TMOD2: variants seen among roughly 807,000 people sequenced by gnomAD.
TMOD2 encodes tropomodulin-2.
TMOD2 carries 22 observed loss-of-function variants against 39.9 expected under a neutral mutation model. That is an observed-to-expected ratio of 0.55 (90% confidence interval 0.39 to 0.79). The LOEUF (loss-of-function observed/expected upper bound fraction) is 0.79. Among genes scored for constraint, TMOD2 ranks in the 30% least tolerant of loss-of-function variants. The pLI is 0.00. For synonymous variants in TMOD2, 123 were observed against 146.1 expected, an observed-to-expected ratio of 0.84 and a Z score of 1.14; for missense variants, 386 against 413.3, an observed-to-expected ratio of 0.93 and a Z score of 0.57.
At chr15:51,783,269 G>A (rs895709444) in intron 7 of TMOD2, 59 of 161,434 alleles carry the variant, frequency 3.7e-4, no homozygotes, top group Non-Finnish European at 2.6e-4. Context: ...GGATCATGAG[G>A]TCGGGAGTTC....
chr15:51,769,305 C>T (rs2141618912), intron 3 of TMOD2, among the ~76,000 whole-genome samples: 1 of 152,290 alleles, frequency 6.6e-6, no homozygotes, highest in Middle Eastern at 3.4e-3. Flanking sequence ...CCCTCAAGGC[C>T]TTCTGCTCCA....
In TMOD2 at chr15:51,815,467, A is replaced by G. The variant is rs1207236393; in HGVS notation, c.*7013A>G. On this transcript the variant is annotated 3_prime_UTR_variant, in exon 10 of 10. Transcript: ENST00000249700. Reference sequence around the variant, plus strand: ...GAAGTCAATCAAAAGTATACTGTGCAATTGAGAGAGGCTGGCCCAAGATTT... The same window carrying G: ...GAAGTCAATCAAAAGTATACTGTGCGATTGAGAGAGGCTGGCCCAAGATTT... The G allele has an allele frequency of 1.3e-5, 2 of 152,142 alleles. No individual in the cohort carries two copies. The highest frequency in any genetic ancestry group is 4.8e-5 in the African/African-American group (2 of 41,440). 9.4% of individuals were successfully genotyped at this position (152,142 alleles called of 1,614,324 possible). A position where few individuals can be genotyped will look rare whatever the true frequency, so the allele number is the denominator to read the frequency against.
chr15:51,782,710 CTCTG>C lies in TMOD2; in HGVS notation c.625-7_625-4del, dbSNP rs2055939365. The C allele has an allele frequency of 6.2e-7, 1 of 1,608,828 alleles. No homozygotes were observed. The highest frequency in any genetic ancestry group is 8.5e-7 in the Non-Finnish European group (1 of 1,175,664). ...ATGGTTCATCAACTAGCCATGTCCT[CTCTG>C]TCTTAGAACATTCCAATTCCAACCC... On this transcript the variant is annotated splice_region_variant and splice_polypyrimidine_tract_variant and intron_variant, in intron 6 of 9. Transcript: ENST00000249700.
At chr15:51,754,058 G>A (rs1453180230) in intron 1 of TMOD2, among the ~76,000 whole-genome samples, 1 of 151,948 alleles carries the variant, frequency 6.6e-6, no homozygotes, top group Non-Finnish European at 1.5e-5. Context: ...GAGTGGGGGG[G>A]ACGGGGGGTT....
rs114992494 is a variant in TMOD2, at chr15:51,782,040, C to T, written c.625-681C>T. On this transcript the variant is annotated intron_variant, in intron 6 of 9. Transcript: ENST00000249700. ...GTTAGTCTGTAGTGCAGCCAGGACT[C>T]TTCTCCACTTCTAACTGCACCCCAC... is the stretch of plus-strand genomic sequence containing the variant. Among the ~76,000 whole-genome samples, 592 of 152,282 alleles carry T rather than the reference C, an allele frequency of 3.9e-3. 6 individuals carry two copies. The highest frequency in any genetic ancestry group is 0.014 in the African/African-American group (576 of 41,556).
At chr15:51,807,656 T>C (rs1476237166) in intron 9 of TMOD2, among the ~76,000 whole-genome samples, 3 of 152,136 alleles carry the variant, frequency 2.0e-5, no homozygotes, top group African/African-American at 7.2e-5. Context: ...CAGGGCAGCC[T>C]ACGTCCAAGA....
chr15:51,775,563 CTTTTTCCTTTTTTTTTT>C (rs2055881216), intron 4 of TMOD2, among the ~76,000 whole-genome samples: 2 of 96,512 alleles, frequency 2.1e-5, no homozygotes, highest in Non-Finnish European at 4.3e-5. Flanking sequence ...GTGACAAATT[CTTTTTCCTTTTTTTTTT>C]TTTTTTTTTT....
chr15:51,787,356 A>G (rs1228131023), intron 7 of TMOD2, among the ~76,000 whole-genome samples: 1 of 152,206 alleles, frequency 6.6e-6, no homozygotes, highest in Non-Finnish European at 1.5e-5. Context: ...GGAAGCTCGA[A>G]CTGGGCGGGG....
At chr15:51,760,387 C>T (rs1053989509) in intron 1 of TMOD2, among the ~76,000 whole-genome samples, 6 of 152,180 alleles carry the variant, frequency 3.9e-5, no homozygotes, top group African/African-American at 1.4e-4. Context: ...TGGCCCCTTC[C>T]ACCATCTTCA....
intron 3 of TMOD2, 34 bp downstream of exon 3, chr15:51,768,452 G>C (rs1244143209): frequency 3.9e-6 from 6 of 1,549,280 alleles, no homozygotes; most frequent in Admixed American, 2.2e-5. Flanking sequence ...TTGGAACAGA[G>C]GTTCTCTCTT....
At chr15:51,770,851 G>A (rs543462567) in intron 3 of TMOD2, among the ~76,000 whole-genome samples, 8 of 152,230 alleles carry the variant, frequency 5.3e-5, no homozygotes, top group African/African-American at 1.9e-4. Flanking sequence ...GACAAACCAG[G>A]CAAATAATCA....
chr15:51,782,893 G>T, intron 7 of TMOD2, 65 bp downstream of exon 7: 1 of 1,470,474 alleles, frequency 6.8e-7, no homozygotes, highest in Non-Finnish European at 9.4e-7. Context: ...TATTTACTTT[G>T]TTTCATTAGC....
At chr15:51,802,581 A>G (rs1304479184) in intron 8 of TMOD2, among the ~76,000 whole-genome samples, 2 of 152,238 alleles carry the variant, frequency 1.3e-5, no homozygotes, top group Non-Finnish European at 2.9e-5. Flanking sequence ...GGACCACTGC[A>G]TTAACACTGC....
chr15:51,790,725 A>G (rs2056005070), intron 7 of TMOD2, among the ~76,000 whole-genome samples: 2 of 152,250 alleles, frequency 1.3e-5, no homozygotes, highest in Admixed American at 6.5e-5. Context: ...AACATAATCC[A>G]TCACATAAAC....
intron 5 of TMOD2, among the ~76,000 whole-genome samples, chr15:51,777,430 C>T (rs2055897120): frequency 6.6e-6 from 1 of 152,082 alleles, no homozygotes; most frequent in Non-Finnish European, 1.5e-5. Flanking sequence ...ATTTGAGTGT[C>T]TTTTTGTCTC....
intron 4 of TMOD2, among the ~76,000 whole-genome samples, chr15:51,776,447 T>C (rs192002721): frequency 1.4e-4 from 22 of 152,302 alleles, no homozygotes. Flanking sequence ...ATGTTGCTTT[T>C]TTTTCCCCAC....
In TMOD2 at chr15:51,781,085, C is replaced by A. The variant is rs751416813; in HGVS notation, c.535C>A (p.Pro179Thr). The A allele has an allele frequency of 4.3e-6, 7 of 1,610,392 alleles. No homozygotes were observed. Among genetic ancestry groups the A allele is most frequent in the Middle Eastern group, 1.6e-4 (1 of 6,074 alleles). Residue 179 changes from proline to threonine, a missense_variant, in exon 6 of 10, where the codon CCA (proline) becomes ACA (threonine). Physicochemically the swap from Pro to Thr is conservative, Grantham distance 38. Transcript: ENST00000249700. ...AAAAGTAAAGCCAGTATTTGAGGAACCACCAAATCCCACAAATGTGGAAAT... is the reference window on the plus strand; with the variant it reads ...AAAAGTAAAGCCAGTATTTGAGGAAACACCAAATCCCACAAATGTGGAAAT... The part of the protein sequence containing the change: ...GEKVKPVFEE[P>T]PNPTNVEISL...
At chr15:51,782,881 T>C in intron 7 of TMOD2, 53 bp downstream of exon 7, 1 of 1,525,194 alleles carries the variant, frequency 6.6e-7, no homozygotes, top group Non-Finnish European at 9.0e-7. Context: ...CACTGGAAAC[T>C]CTATTTACTT....
At chr15:51,785,829 G>A (rs1311068546) in intron 7 of TMOD2, among the ~76,000 whole-genome samples, 1 of 152,056 alleles carries the variant, frequency 6.6e-6, no homozygotes, top group African/African-American at 2.4e-5. Context: ...AAGCCTTTGA[G>A]GTGATGGCTA....
Sources: gnomAD v4.1 joint callset for allele counts (sites outside exome capture counted in the v4.1 genomes callset) on GRCh38, gnomAD v4.1.1 for gene constraint, MANE v1.5 for transcripts, NCBI Gene and HGNC (gene_info 2026-07-23, HGNC 2026-07-21) for gene names.